CUX1: variants seen among roughly 807,000 people sequenced by gnomAD.
CUX1 encodes the protein cut like homeobox 1, also known as protein CASP.
CUX1 carries 31 observed loss-of-function variants against 158.8 expected under a neutral mutation model. The observed-to-expected ratio is 0.20, with a 90% confidence interval of 0.15 to 0.26. The LOEUF is 0.26. CUX1 is among the 10% of genes least tolerant of loss of function. The pLI is 1.00. For missense variants in CUX1, 1,589 were observed against 2,014.6 expected, an observed-to-expected ratio of 0.79 and a Z score of 4.04; for synonymous variants, 879 against 862.1, an observed-to-expected ratio of 1.02 and a Z score of -0.34.
chr7:102,159,624 G>T (rs1341687618), intron 9 of CUX1, among the ~76,000 whole-genome samples: 4 of 152,186 alleles, frequency 2.6e-5, no homozygotes, highest in Non-Finnish European at 5.9e-5. Flanking sequence ...AGTCTGGGGG[G>T]CCAAGGTGGG....
chr7:102,154,736 CAG>C (rs1836077551), intron 8 of CUX1, among the ~76,000 whole-genome samples: 1 of 152,114 alleles, frequency 6.6e-6, no homozygotes, highest in Admixed American at 6.6e-5. Context: ...ACATGGAAGA[CAG>C]AAGTAGCTAT....
chr7:102,038,448 T>A (rs1483567388), intron 3 of CUX1, among the ~76,000 whole-genome samples: 1 of 152,202 alleles, frequency 6.6e-6, no homozygotes, highest in Non-Finnish European at 1.5e-5. Context: ...AGTAGCTATA[T>A]GAAAAGATGT....
intron 21 of CUX1, 88 bp from the exon 22 acceptor site, chr7:102,233,964 T>C (rs907643959): frequency 2.4e-5 from 26 of 1,086,104 alleles, no homozygotes; most frequent in Non-Finnish European, 2.5e-6. Context: ...TAAACTCCTG[T>C]GTCTGATTTT....
intron 2 of CUX1, among the ~76,000 whole-genome samples, chr7:101,989,400 C>T (rs1339010480): frequency 1.3e-5 from 2 of 152,254 alleles, no homozygotes; most frequent in Non-Finnish European, 2.9e-5. Context: ...TCATCTCAGC[C>T]TCTAGCATCC....
At chr7:101,835,032 A>C (rs1442078862) in intron 1 of CUX1, among the ~76,000 whole-genome samples, 1 of 149,928 alleles carries the variant, frequency 6.7e-6, no homozygotes, top group Non-Finnish European at 1.5e-5. Context: ...AAATAAATAA[A>C]GTTTAAAATC....
At chr7:102,196,102 G>C (rs1224845898) in intron 14 of CUX1, among the ~76,000 whole-genome samples, 1 of 152,234 alleles carries the variant, frequency 6.6e-6, no homozygotes, top group Non-Finnish European at 1.5e-5. Flanking sequence ...ACTTGACTGT[G>C]CTTCTGGTTT....
intron 2 of CUX1, among the ~76,000 whole-genome samples, chr7:101,988,252 C>G (rs1266402913): frequency 6.6e-6 from 1 of 152,076 alleles, no homozygotes; most frequent in Non-Finnish European, 1.5e-5. Flanking sequence ...TGAGTCAGCC[C>G]CGGTGTCTGA....
intron 3 of CUX1, among the ~76,000 whole-genome samples, chr7:102,030,936 A>G (rs1284415987): frequency 1.3e-5 from 2 of 152,132 alleles, no homozygotes; most frequent in Non-Finnish European, 2.9e-5. Context: ...TCCCGGGCTC[A>G]AGCCATCCTC....
chr7:101,828,897 G>A (rs996865438), intron 1 of CUX1, among the ~76,000 whole-genome samples: 2 of 151,976 alleles, frequency 1.3e-5, no homozygotes, highest in African/African-American at 2.4e-5. Flanking sequence ...GGGACAGGGT[G>A]GAGGGAGAGG....
At chr7:102,115,653 A>T (rs1318436286) in intron 8 of CUX1, 1 of 179,962 alleles carries the variant, frequency 5.6e-6, no homozygotes. Context: ...GCCCCAGAAT[A>T]AGCACATTCC....
At chr7:101,938,158 G>C (rs1394080497) in intron 2 of CUX1, among the ~76,000 whole-genome samples, 2 of 151,472 alleles carry the variant, frequency 1.3e-5, no homozygotes, top group African/African-American at 4.9e-5. Flanking sequence ...TGTCACTCAG[G>C]CTGGAATGCA....
intron 8 of CUX1, among the ~76,000 whole-genome samples, chr7:102,123,756 G>A (rs377658269): frequency 4.6e-5 from 7 of 151,804 alleles, no homozygotes; most frequent in Admixed American, 1.3e-4. Context: ...TCTACCTCCC[G>A]GTTTCAAACG....
exon 18 of CUX1, chr7:102,278,064 G>C (rs148760130): frequency 6.2e-7 from 1 of 1,604,880 alleles, no homozygotes; most frequent in Non-Finnish European, 8.5e-7. Context: ...TACCCTGGCC[G>C]GGTGAGGGCC....
chr7:102,096,697 C>A (rs922899069), intron 4 of CUX1, among the ~76,000 whole-genome samples: 6 of 152,114 alleles, frequency 3.9e-5, no homozygotes, highest in Non-Finnish European at 7.4e-5. Flanking sequence ...CAGAGTGAGA[C>A]CCTGTCTTAA....
intron 10 of CUX1, among the ~76,000 whole-genome samples, chr7:102,177,730 C>A (rs1317415535): frequency 6.6e-6 from 1 of 152,136 alleles, no homozygotes; most frequent in Non-Finnish European, 1.5e-5. Flanking sequence ...TCTTACTAAA[C>A]CCCCTGCCTC....
rs1195101616 is a variant in CUX1, at chr7:102,092,930, A to T, written c.269-4434A>T. ...TCCGTCTCAAAAAAAAAAAAAAAAA[A>T]AAGAAAGAAAGAAAAGAAAAAAAGA... On this transcript the variant is annotated intron_variant, in intron 4 of 23. Coordinates refer to ENST00000292535, the MANE Select transcript of CUX1 (RefSeq NM_181552.4). 1.7e-5 allele frequency among the ~76,000 whole-genome samples: 2 copies of T among 115,670 alleles called. 1 individual carries two copies. Among genetic ancestry groups the T allele is most frequent in the African/African-American group, 8.4e-5 (2 of 23,742 alleles). 75.9% of individuals were successfully genotyped at this position (115,670 alleles called of 152,430 possible). A position where few individuals can be genotyped will look rare whatever the true frequency, so the allele number is the denominator to read the frequency against.
intron 8 of CUX1, among the ~76,000 whole-genome samples, chr7:102,156,746 C>A (rs1400385184): frequency 6.6e-6 from 1 of 152,168 alleles, no homozygotes; most frequent in Non-Finnish European, 1.5e-5. Flanking sequence ...TGGGCTGTCC[C>A]CAGGAGTAGA....
chr7:101,905,257 T>C (rs920360582), intron 1 of CUX1, among the ~76,000 whole-genome samples: 3 of 152,174 alleles, frequency 2.0e-5, no homozygotes, highest in Non-Finnish European at 4.4e-5. Context: ...AAAAGCACTA[T>C]GATTTTAGGA....
chr7:102,082,953 G>C (rs1827591660), intron 4 of CUX1, among the ~76,000 whole-genome samples: 1 of 147,348 alleles, frequency 6.8e-6, no homozygotes, highest in Admixed American at 6.8e-5. Context: ...TTTCCCTTAG[G>C]CAAATACTTA....
Sources: gnomAD v4.1 joint callset for allele counts (sites outside exome capture counted in the v4.1 genomes callset) on GRCh38, gnomAD v4.1.1 for gene constraint, MANE v1.5 for transcripts, NCBI Gene and HGNC (gene_info 2026-07-23, HGNC 2026-07-21) for gene names.